The following ATP11A variants were observed in gnomAD, a reference collection of about 807,000 sequenced individuals.
The protein encoded by ATP11A is ATPase phospholipid transporting 11A, also known as phospholipid-transporting ATPase IH.
ATP11A carries 81 observed loss-of-function variants against 154.4 expected under a neutral mutation model. That is an observed-to-expected ratio of 0.52 (90% CI 0.44 to 0.63). The LOEUF (loss-of-function observed/expected upper bound fraction) is 0.63. Among genes scored for constraint, ATP11A ranks in the 30% least tolerant of loss-of-function variants. ATP11A has a pLI of 0.00. For missense variants in ATP11A, 1,316 were observed against 1,474.3 expected (o/e 0.89, Z 1.76); for synonymous variants, 623 against 585.9 (o/e 1.06, Z -0.91).
intron 1 of ATP11A, among the ~76,000 whole-genome samples, chr13:112,772,718 A>C (rs1228047622): frequency 6.6e-6 from 1 of 152,062 alleles, no homozygotes; most frequent in East Asian, 1.9e-4. Flanking sequence ...GCCCGTGTGG[A>C]CGCTTCTCGT....
chr13:112,729,827 C>T (rs1475529799), intron 1 of ATP11A, among the ~76,000 whole-genome samples: 4 of 152,234 alleles, frequency 2.6e-5, no homozygotes, highest in Non-Finnish European at 5.9e-5. Context: ...GAAAAAAACG[C>T]GCAAACTGTT....
intron 1 of ATP11A, among the ~76,000 whole-genome samples, chr13:112,735,884 A>C (rs1215037063): frequency 3.9e-5 from 6 of 152,216 alleles, no homozygotes; most frequent in Non-Finnish European, 8.8e-5. Flanking sequence ...AGGTGCATCC[A>C]TAAGTCCCAT....
At chr13:112,716,873 C>G (rs984631793) in intron 1 of ATP11A, among the ~76,000 whole-genome samples, 4 of 152,070 alleles carry the variant, frequency 2.6e-5, no homozygotes, top group African/African-American at 7.3e-5. Flanking sequence ...TGGCTATGTG[C>G]AAAATAAAGG....
At chr13:112,794,387 C>G (rs2077942719) in intron 2 of ATP11A, among the ~76,000 whole-genome samples, 1 of 152,220 alleles carries the variant, frequency 6.6e-6, no homozygotes, top group African/African-American at 2.4e-5. Flanking sequence ...GATGGTACTG[C>G]TGTGTCAGTG....
In ATP11A at chr13:112,875,299, G is replaced by A. The variant is rs185909477; in HGVS notation, c.3162-477G>A. On this transcript the variant is annotated intron_variant, in intron 27 of 29. Transcript: ENST00000375645. This position sits in a 1 kb window ranked among gnomAD's most constrained non-coding sequence, Gnocchi z 4.1. The stretch of plus-strand genomic sequence containing the variant: ...GGACCTGTGGGCTCGGGCTGGCTGC[G>A]GGTCACTGGTCCCTGCATCCTTGCC... Among the ~76,000 whole-genome samples, 199 of 152,244 alleles carry A rather than the reference G, an allele frequency of 1.3e-3. 1 individual carries two copies. In the East Asian group the frequency reaches 0.017, roughly 13 times the overall value.
rs189238242 is a variant in ATP11A, at chr13:112,859,629, G to A, written c.2727+177G>A. On this transcript the variant is annotated intron_variant, in intron 23 of 29. Coordinates refer to ENST00000375645, the MANE Select transcript of ATP11A (RefSeq NM_015205.3). The surrounding 1 kb of genome is among the most constrained non-coding windows in gnomAD (Gnocchi z 4.3). The stretch of plus-strand genomic sequence containing the variant: ...GGTCGGGCCTGGGGAGGGGGGCCAC[G>A]GAGCTGAGGAGTTGCCGTCCTGGAG... Among the ~76,000 whole-genome samples, 124 of 152,296 alleles carry A rather than the reference G, an allele frequency of 8.1e-4. 1 individual carries two copies. The highest frequency in any genetic ancestry group is 8.1e-3 in the South Asian group (39 of 4,822).
intron 1 of ATP11A, among the ~76,000 whole-genome samples, chr13:112,762,500 C>T (rs1433825969): frequency 2.6e-5 from 4 of 152,038 alleles, no homozygotes; most frequent in Admixed American, 1.3e-4. Context: ...TCTTCAGTCC[C>T]GGCCGTGGTT....
In ATP11A at chr13:112,775,391, G is replaced by A. The variant is rs1202500595; in HGVS notation, c.40-9744G>A. 4.6e-4 allele frequency among the ~76,000 whole-genome samples: 70 copies of A among 152,128 alleles called. 1 individual carries two copies. The highest frequency in any genetic ancestry group is 4.6e-3 in the Admixed American group (70 of 15,282). On this transcript the variant is annotated intron_variant, in intron 1 of 29. Coordinates refer to ENST00000375645, the MANE Select transcript of ATP11A (RefSeq NM_015205.3). ...TGCACACAGGCGGGCTTCCACAGTC[G>A]GGGGGCCGCTGACAGGAGGAACCCC...
At chr13:112,871,385 GT>G in intron 25 of ATP11A, among the ~76,000 whole-genome samples, 1 of 152,314 alleles carries the variant, frequency 6.6e-6, no homozygotes, top group East Asian at 1.9e-4. Flanking sequence ...CTGTGAGGGA[GT>G]TTTTGTGCTC....
At chr13:112,818,664 T>C in intron 6 of ATP11A, among the ~76,000 whole-genome samples, 1 of 152,114 alleles carries the variant, frequency 6.6e-6, no homozygotes, top group Non-Finnish European at 1.5e-5. Flanking sequence ...GGCCTCAAAA[T>C]GTGTTCTGAG....
intron 6 of ATP11A, among the ~76,000 whole-genome samples, chr13:112,818,709 G>C (rs36076114): frequency 0.079 from 12,005 of 152,270 alleles, 752 homozygotes; most frequent in African/African-American, 0.17. Flanking sequence ...CACCATATTA[G>C]AAGTGCAGTT....
intron 17 of ATP11A, among the ~76,000 whole-genome samples, chr13:112,843,292 G>A (rs761253650): frequency 1.3e-5 from 2 of 150,244 alleles, no homozygotes; most frequent in Admixed American, 6.6e-5. Flanking sequence ...CCGGGTGGGC[G>A]CGTTCCCTCC....
intron 29 of ATP11A, chr13:112,880,443 G>T (rs989767631): frequency 3.9e-6 from 4 of 1,034,504 alleles, no homozygotes; most frequent in Non-Finnish European, 5.0e-6. Flanking sequence ...GGGGCTTCGA[G>T]CCTCTTCCTG....
intron 28 of ATP11A, 63 bp from the exon 29 acceptor site, chr13:112,878,154 G>T: frequency 2.7e-6 from 4 of 1,473,542 alleles, no homozygotes; most frequent in Non-Finnish European, 3.8e-6. Context: ...CGACCGCTTT[G>T]CCTAAATCCT....
chr13:112,701,765 G>A (rs1199465281), intron 1 of ATP11A, among the ~76,000 whole-genome samples: 6 of 151,824 alleles, frequency 4.0e-5, no homozygotes, highest in African/African-American at 9.7e-5. Context: ...CTGGGGAGGC[G>A]GAGCTTGCAG....
At position 112,697,727 on chromosome 13, in the gene ATP11A, G is replaced by GTT. The variant is rs531749066; in HGVS notation, c.39+7297_39+7298dup. Among the ~76,000 whole-genome samples, 143 of 126,592 alleles carry GTT rather than the reference G, an allele frequency of 1.1e-3. 1 individual carries two copies. Among genetic ancestry groups the GTT allele is most frequent in the African/African-American group, 4.4e-3 (135 of 30,952 alleles). 83.0% of individuals were successfully genotyped at this position (126,592 alleles called of 152,430 possible). On this transcript the variant is annotated intron_variant, in intron 1 of 29. Coordinates refer to ENST00000375645, the MANE Select transcript of ATP11A (RefSeq NM_015205.3). The surrounding 1 kb of genome is among the most constrained non-coding windows in gnomAD (Gnocchi z 4.0). The stretch of plus-strand genomic sequence containing the variant: ...GGATTTGTGCCACGACGCCCGGCCA[G>GTT]TTTTTTTTTTTTTTTTTTTTTTTTT...
chr13:112,796,674 A>T lies in ATP11A; in HGVS notation c.163-8283A>T, dbSNP rs1405975279. Among the ~76,000 whole-genome samples the T allele has an allele frequency of 2.0e-5, 3 of 152,224 alleles. No homozygotes were observed. The South Asian group carries it at 6.2e-4, about 31-fold the overall frequency. ...TGCATTGTTTTAAGTCACAAAGTGG[A>T]ATTTGTTATAGCAGCATAAGAAACT... On this transcript the variant is annotated intron_variant, in intron 2 of 29. Transcript: ENST00000375645.
intron 28 of ATP11A, among the ~76,000 whole-genome samples, chr13:112,877,360 A>G (rs937927662): frequency 3.9e-5 from 6 of 152,210 alleles, no homozygotes; most frequent in Admixed American, 2.0e-4. Flanking sequence ...TTCTCTAAGC[A>G]CGGTCCTTGG....
At chr13:112,779,202 A>G (rs1374747201) in intron 1 of ATP11A, among the ~76,000 whole-genome samples, 12 of 114,800 alleles carry the variant, frequency 1.0e-4, no homozygotes, top group East Asian at 6.0e-4. Context: ...AGGAGTAGCC[A>G]CTGGAGTGAG....
Sources: allele counts gnomAD v4.1 joint callset (sites outside exome capture counted in the v4.1 genomes callset), GRCh38; gene constraint gnomAD v4.1.1; non-coding constraint Gnocchi (gnomAD v3.1); transcripts MANE v1.5; gene names NCBI Gene and HGNC (gene_info 2026-07-23, HGNC 2026-07-21).